Variants in UNC13C observed in about 807,000 individuals in gnomAD.
The protein encoded by UNC13C is unc-13 homolog C.
A neutral mutation model predicts 245.4 loss-of-function variants in UNC13C; 174 were observed. The observed-to-expected ratio is 0.71, with a 90% CI of 0.63 to 0.80. The LOEUF is 0.80. Ranked by LOEUF, UNC13C falls within the 30% of genes least tolerant of loss-of-function variation. The pLI is 0.00. For missense variants in UNC13C, 2,829 were observed against 2,602.9 expected (o/e 1.09, Z -1.89); for synonymous variants, 992 against 895.1 (o/e 1.11, Z -1.93).
intron 25 of UNC13C, among the ~76,000 whole-genome samples, chr15:54,530,883 C>G (rs1474152140): frequency 6.6e-6 from 1 of 151,498 alleles, no homozygotes; most frequent in African/African-American, 2.4e-5. Flanking sequence ...TCAAATACAA[C>G]TAGAGTTTTT....
At chr15:53,932,321 A>G in the UNC13C span, among the ~76,000 whole-genome samples, 2 of 117,240 alleles carry the variant, frequency 1.7e-5, no homozygotes, top group Non-Finnish European at 4.4e-5. Context: ...TCAAAACAAC[A>G]ACAACAACAA....
chr15:54,434,840 C>T (rs1428151511), intron 19 of UNC13C, among the ~76,000 whole-genome samples: 1 of 152,016 alleles, frequency 6.6e-6, no homozygotes. Flanking sequence ...ATCCATCTGA[C>T]AAAGGGCTAA....
intron 19 of UNC13C, among the ~76,000 whole-genome samples, chr15:54,444,286 T>C (rs8029654): frequency 0.09 from 13,546 of 151,100 alleles, 776 homozygotes; most frequent in African/African-American, 0.16. Context: ...TAAATGTATA[T>C]ATATACACAA....
chr15:54,469,997 A>C (rs982043065), intron 19 of UNC13C, among the ~76,000 whole-genome samples: 1 of 151,544 alleles, frequency 6.6e-6, no homozygotes, highest in Non-Finnish European at 1.5e-5. Flanking sequence ...CAAATGCTTT[A>C]TCTGACTCTT....
chr15:54,492,732 T>C (rs1893775996), intron 19 of UNC13C, among the ~76,000 whole-genome samples: 1 of 152,190 alleles, frequency 6.6e-6, no homozygotes. Flanking sequence ...AGTTAATTAG[T>C]TTGCCCCTTC....
the UNC13C span, among the ~76,000 whole-genome samples, chr15:53,949,343 T>A: frequency 6.6e-6 from 1 of 152,172 alleles, no homozygotes; most frequent in African/African-American, 2.4e-5. Context: ...TTTAAAAAAA[T>A]TTAGCACCTG....
At chr15:53,889,158 C>T in the UNC13C span, among the ~76,000 whole-genome samples, 12 of 152,130 alleles carry the variant, frequency 7.9e-5, no homozygotes, top group African/African-American at 2.2e-4. Flanking sequence ...GCCACTTTCA[C>T]GATATTGATT....
rs543017464 is a variant in UNC13C, at chr15:54,453,667, A to G, written c.4933+38600A>G. On this transcript the variant is annotated intron_variant, in intron 19 of 32. Transcript: ENST00000260323. ...GAGTCAAAGATGATTAACATGCTAT[A>G]CCTTTTGAAATATATTGACAAATTT... 3.9e-4 allele frequency among the ~76,000 whole-genome samples: 59 copies of G among 152,316 alleles called. 1 individual carries two copies. The South Asian group carries it at 0.012, about 30-fold the overall frequency.
At chr15:54,443,890 A>G (rs1012090996) in intron 19 of UNC13C, among the ~76,000 whole-genome samples, 5 of 152,074 alleles carry the variant, frequency 3.3e-5, no homozygotes, top group African/African-American at 7.2e-5. Context: ...GCTGTTGAAT[A>G]AAGTGTTCTG....
chr15:54,434,063 C>G (rs1452318456), intron 19 of UNC13C, among the ~76,000 whole-genome samples: 3 of 152,070 alleles, frequency 2.0e-5, no homozygotes, highest in Non-Finnish European at 4.4e-5. Flanking sequence ...CTACAAACCA[C>G]TGCTCAATGA....
the UNC13C span, among the ~76,000 whole-genome samples, chr15:53,864,682 T>C: frequency 6.6e-6 from 1 of 152,296 alleles, no homozygotes; most frequent in East Asian, 1.9e-4. Flanking sequence ...CCGATAGTAT[T>C]TGCAGAATCG....
chr15:54,604,122 T>C (rs1055582063), intron 30 of UNC13C, among the ~76,000 whole-genome samples: 2 of 152,192 alleles, frequency 1.3e-5, no homozygotes, highest in African/African-American at 4.8e-5. Context: ...CATTTCTTTT[T>C]GGAGGTGGCC....
chr15:53,890,387 C>T, the UNC13C span, among the ~76,000 whole-genome samples: 4 of 152,200 alleles, frequency 2.6e-5, no homozygotes, highest in Non-Finnish European at 2.9e-5. Flanking sequence ...GTGATCCACC[C>T]GCCATGGCCT....
intron 4 of UNC13C, among the ~76,000 whole-genome samples, chr15:54,193,189 G>T (rs1430828785): frequency 6.6e-6 from 1 of 152,130 alleles, no homozygotes; most frequent in Non-Finnish European, 1.5e-5. Context: ...CAAGGTGAAA[G>T]ATTTGGGCTT....
intron 4 of UNC13C, among the ~76,000 whole-genome samples, chr15:54,186,322 G>A (rs2033982278): frequency 6.6e-6 from 1 of 152,152 alleles, no homozygotes; most frequent in Non-Finnish European, 1.5e-5. Flanking sequence ...TAGGAGTGGT[G>A]AGAGAGGGCA....
Position 54,015,859 on chromosome 15 carries a change from G to C in UNC13C, c.2956G>C (p.Glu986Gln), listed in dbSNP as rs1231488025. Residue 986 changes from glutamate (E) to glutamine (Q), a missense_variant, in exon 2 of 33, where the codon GAG (glutamate) becomes CAG (glutamine). Transcript: ENST00000260323. ...ALRAYKKQMA[E>Q]LEEKILAGDS... ...AAGGGCCTATAAAAAGCAAATGGCAGAGTTGGAAGAGAAGATCTTGGCTGG... is the reference window on the plus strand; with the variant it reads ...AAGGGCCTATAAAAAGCAAATGGCACAGTTGGAAGAGAAGATCTTGGCTGG... 1 of 1,596,266 alleles carries C rather than the reference G, an allele frequency of 6.3e-7. No individual in the cohort carries two copies. Among genetic ancestry groups the C allele is most frequent in the Non-Finnish European group, 8.5e-7 (1 of 1,172,806 alleles).
At chr15:53,902,110 T>C in the UNC13C span, among the ~76,000 whole-genome samples, 1 of 151,974 alleles carries the variant, frequency 6.6e-6, no homozygotes, top group Non-Finnish European at 1.5e-5. Flanking sequence ...ATTTTCAATA[T>C]ATCCTACTCT....
At chr15:54,187,364 G>C (rs1055990920) in intron 4 of UNC13C, among the ~76,000 whole-genome samples, 1 of 152,016 alleles carries the variant, frequency 6.6e-6, no homozygotes, top group Non-Finnish European at 1.5e-5. Context: ...TTATGATCAG[G>C]TGATCCTACT....
At chr15:54,577,406 A>G (rs546137299) in intron 30 of UNC13C, among the ~76,000 whole-genome samples, 7 of 152,272 alleles carry the variant, frequency 4.6e-5, no homozygotes, top group Admixed American at 3.9e-4. Flanking sequence ...ATGAAAGTCT[A>G]TGCCAAATAT....
Sources: allele counts gnomAD v4.1 joint callset (sites outside exome capture counted in the v4.1 genomes callset), GRCh38; gene constraint gnomAD v4.1.1; transcripts MANE v1.5; gene names NCBI Gene and HGNC (gene_info 2026-07-23, HGNC 2026-07-21).